MYLK: variants seen among roughly 807,000 people sequenced by gnomAD.
MYLK encodes the protein myosin light chain kinase.
In MYLK, 106 loss-of-function variants were observed where a neutral mutation model predicts 203.4. The ratio of observed to expected loss-of-function variants is 0.52; its 90% CI spans 0.45 to 0.61. The LOEUF (loss-of-function observed/expected upper bound fraction) is 0.61. Ranked by LOEUF, MYLK falls within the 20% of genes least tolerant of loss-of-function variation. The probability of loss-of-function intolerance (pLI) is 0.00; values close to 1 mark genes in which losing one functional copy is unlikely to be tolerated. For missense variants in MYLK, 2,072 were observed against 2,442.3 expected (o/e 0.85, Z 3.20); for synonymous variants, 867 against 959.5 (o/e 0.90, Z 1.78).
At chr3:123,705,693 G>T (rs1323814396) in intron 16 of MYLK, among the ~76,000 whole-genome samples, 1 of 152,028 alleles carries the variant, frequency 6.6e-6, no homozygotes. Flanking sequence ...CTCCTCTCTG[G>T]CCTGGCAAAC....
intron 3 of MYLK, among the ~76,000 whole-genome samples, chr3:123,812,120 G>GA (rs1456766821): frequency 1.3e-5 from 2 of 152,186 alleles, no homozygotes; most frequent in Non-Finnish European, 2.9e-5. Context: ...AGAGATTCAG[G>GA]ACGCCTACAC....
intron 4 of MYLK, among the ~76,000 whole-genome samples, chr3:123,758,776 T>C (rs2063442113): frequency 6.6e-6 from 1 of 152,244 alleles, no homozygotes; most frequent in South Asian, 2.1e-4. Context: ...TATAAGCATC[T>C]AAAACCCTTT....
At chr3:123,630,639 T>C (rs995899762) in intron 29 of MYLK, 14 of 152,138 alleles carry the variant, frequency 9.2e-5, no homozygotes, top group African/African-American at 3.4e-4. Flanking sequence ...ATGAAGTAAA[T>C]TGCAGTGTTC....
intron 2 of MYLK, among the ~76,000 whole-genome samples, chr3:123,832,110 A>G (rs2066349421): frequency 6.6e-6 from 1 of 152,182 alleles, no homozygotes; most frequent in Non-Finnish European, 1.5e-5. Flanking sequence ...AGGGGAATAA[A>G]GGGCTGACAG....
intron 25 of MYLK, 47 bp downstream of exon 25, chr3:123,649,114 GC>G: frequency 6.2e-7 from 1 of 1,613,918 alleles, no homozygotes; most frequent in Non-Finnish European, 8.5e-7. Flanking sequence ...CCCCCACTCA[GC>G]CCCCTCCACC....
intron 2 of MYLK, among the ~76,000 whole-genome samples, chr3:123,842,195 A>C (rs1025782566): frequency 7.9e-5 from 12 of 152,188 alleles, no homozygotes; most frequent in African/African-American, 2.9e-4. Flanking sequence ...TAAATGAAAA[A>C]ATAAGTTAGG....
chr3:123,803,375 G>T (rs2065262129), intron 3 of MYLK, among the ~76,000 whole-genome samples: 1 of 152,170 alleles, frequency 6.6e-6, no homozygotes, highest in African/African-American at 2.4e-5. Context: ...GCTCAAAGTA[G>T]GTGCACAGGA....
chr3:123,634,840 G>C (rs983641330), intron 29 of MYLK, among the ~76,000 whole-genome samples: 6 of 152,234 alleles, frequency 3.9e-5, no homozygotes, highest in African/African-American at 1.4e-4. Context: ...CTCCCGTATG[G>C]AAGTGTGGCC....
At chr3:123,826,804 C>G (rs2066137112) in intron 3 of MYLK, among the ~76,000 whole-genome samples, 2 of 152,178 alleles carry the variant, frequency 1.3e-5, no homozygotes, top group South Asian at 4.2e-4. Flanking sequence ...ATCACAAATG[C>G]CACTAGTGTG....
At chr3:123,872,724 C>G (rs1358301028) in intron 2 of MYLK, among the ~76,000 whole-genome samples, 1 of 152,156 alleles carries the variant, frequency 6.6e-6, no homozygotes, top group Non-Finnish European at 1.5e-5. Context: ...CAGGCATTGC[C>G]AGCACCTTGC....
intron 17 of MYLK, 45 bp from the exon 18 acceptor site, chr3:123,701,050 G>T (rs1342763622): frequency 1.3e-5 from 21 of 1,596,050 alleles, no homozygotes; most frequent in Non-Finnish European, 1.8e-5. Flanking sequence ...GAGGAAAAGG[G>T]GCTGGGTAAG....
At chr3:123,633,442 T>C (rs1162429339) in intron 29 of MYLK, among the ~76,000 whole-genome samples, 1 of 152,250 alleles carries the variant, frequency 6.6e-6, no homozygotes, top group East Asian at 1.9e-4. Flanking sequence ...ACAGTCATTA[T>C]TTGTTAAAAA....
chr3:123,862,355 C>T (rs566360436), intron 2 of MYLK, among the ~76,000 whole-genome samples: 8 of 152,332 alleles, frequency 5.3e-5, no homozygotes, highest in African/African-American at 1.7e-4. Flanking sequence ...AGCTGACACA[C>T]CATTATTGAG....
chr3:123,635,882 A>T (rs952494376), intron 29 of MYLK, among the ~76,000 whole-genome samples: 2 of 152,232 alleles, frequency 1.3e-5, no homozygotes, highest in African/African-American at 4.8e-5. Flanking sequence ...GATTATATTC[A>T]CACAATGGGA....
At chr3:123,825,729 T>C (rs2682215) in intron 3 of MYLK, among the ~76,000 whole-genome samples, 25,105 of 152,244 alleles carry the variant, frequency 0.16, 2,235 homozygotes, top group South Asian at 0.22. Flanking sequence ...ACCAAGCTTA[T>C]GTGGGTGGCT....
intron 2 of MYLK, among the ~76,000 whole-genome samples, chr3:123,858,523 G>A (rs539850899): frequency 1.3e-4 from 20 of 152,218 alleles, no homozygotes; most frequent in African/African-American, 4.8e-4. Flanking sequence ...CCTGCTGGTG[G>A]GGACTCTTAA....
intron 2 of MYLK, among the ~76,000 whole-genome samples, chr3:123,865,293 C>T (rs1204299868): frequency 6.6e-6 from 1 of 152,206 alleles, no homozygotes; most frequent in African/African-American, 2.4e-5. Flanking sequence ...AACCAGATTA[C>T]CAGTATTCCC....
At position 123,664,096 on chromosome 3, in the gene MYLK, C is replaced by A; in HGVS notation, c.3985+9G>T. 1 of 1,613,926 alleles carries A rather than the reference C, an allele frequency of 6.2e-7. No individual in the cohort carries two copies. Among genetic ancestry groups the A allele is most frequent in the Middle Eastern group, 1.7e-4 (1 of 5,984 alleles). On this transcript the variant is annotated intron_variant, in intron 23 of 33. Coordinates refer to ENST00000360304, the MANE Select transcript of MYLK (RefSeq NM_053025.4). ...CCCAAGCTCCATGCCACCCAGCCAC[C>A]AGACTCACCCACGACAGTGAGGTTG...
intron 5 of MYLK, among the ~76,000 whole-genome samples, chr3:123,748,328 C>T (rs1388940538): frequency 6.6e-6 from 1 of 152,232 alleles, no homozygotes; most frequent in African/African-American, 2.4e-5. Flanking sequence ...TCCCACCAGG[C>T]CCTACCTCCA....
Sources: allele counts gnomAD v4.1 joint callset (sites outside exome capture counted in the v4.1 genomes callset), GRCh38; gene constraint gnomAD v4.1.1; transcripts MANE v1.5; gene names NCBI Gene and HGNC (gene_info 2026-07-23, HGNC 2026-07-21).